The following SPDEF variants were observed in gnomAD, a reference collection of about 807,000 sequenced individuals.
SPDEF encodes SAM pointed domain-containing Ets transcription factor.
A neutral mutation model predicts 36.0 loss-of-function variants in SPDEF; 12 were observed. The observed-to-expected ratio is 0.33, with a 90% CI of 0.21 to 0.54. SPDEF has a LOEUF of 0.54. Among genes scored for constraint, SPDEF ranks in the 20% least tolerant of loss-of-function variants. SPDEF has a pLI of 0.93. For missense variants in SPDEF, 388 were observed against 456.9 expected (o/e 0.85, Z 1.37); for synonymous variants, 205 against 193.0 (o/e 1.06, Z -0.51).
At chr6:34,549,067 C>T (rs1193279062) in intron 1 of SPDEF, among the ~76,000 whole-genome samples, 1 of 152,238 alleles carries the variant, frequency 6.6e-6, no homozygotes, top group Non-Finnish European at 1.5e-5. Flanking sequence ...TGGCAGGACC[C>T]AGCGTTCCTG....
At position 34,552,547 on chromosome 6, in the gene SPDEF, C is replaced by CCA. The variant is rs1768084448; in HGVS notation, c.-30+3381_-30+3382insTG. Among the ~76,000 whole-genome samples the CCA allele has an allele frequency of 6.6e-6, 1 of 152,218 alleles. No individual in the cohort carries two copies. Among genetic ancestry groups the CCA allele is most frequent in the Non-Finnish European group, 1.5e-5 (1 of 68,044 alleles). On this transcript the variant is annotated intron_variant, in intron 1 of 5. Transcript: ENST00000374037. This position sits in a 1 kb window ranked among gnomAD's most constrained non-coding sequence, Gnocchi z 4.6. ...CTCCATCTGCCGTGTTTCTGCGGCC[C>CCA]CTCCAGACCCAGCACAGGCCAGGGA...
intron 1 of SPDEF, among the ~76,000 whole-genome samples, chr6:34,551,900 A>G (rs897299832): frequency 1.1e-4 from 16 of 152,114 alleles, no homozygotes; most frequent in African/African-American, 3.6e-4. Flanking sequence ...GACAGAACCC[A>G]GTTTCCCACC....
chr6:34,554,809 C>A (rs979232209), intron 1 of SPDEF, among the ~76,000 whole-genome samples: 1 of 152,186 alleles, frequency 6.6e-6, no homozygotes. Context: ...CCTGGGGCAG[C>A]CTGGACGCCT....
At chr6:34,546,163 C>T (rs1337486442) in intron 1 of SPDEF, among the ~76,000 whole-genome samples, 1 of 152,216 alleles carries the variant, frequency 6.6e-6, no homozygotes, top group Non-Finnish European at 1.5e-5. Flanking sequence ...TTGCTAGAAA[C>T]TTGAATTCTC....
rs749828771 is a variant in SPDEF at position 34,539,495 on chromosome 6, C to T, written c.682+20G>A. 6.6e-5 allele frequency: 105 copies of T among 1,579,904 alleles called. No individual in the cohort carries two copies. The highest frequency in any genetic ancestry group is 1.9e-5 in the Non-Finnish European group (22 of 1,164,358). On this transcript the variant is annotated intron_variant, in intron 4 of 5. Coordinates refer to ENST00000374037, the MANE Select transcript of SPDEF (RefSeq NM_012391.3). This position sits in a 1 kb window ranked among gnomAD's most constrained non-coding sequence, Gnocchi z 5.2. ...ACCCCACCCGAGCCCCCGCCTCCAC[C>T]CTGCCGCTGCCTGGCTCACCACAGT...
chr6:34,552,345 TGCTGCTC>T lies in SPDEF; in HGVS notation c.-30+3577_-30+3583del, dbSNP rs1466512120. On this transcript the variant is annotated intron_variant, in intron 1 of 5. Coordinates refer to ENST00000374037, the MANE Select transcript of SPDEF (RefSeq NM_012391.3). The surrounding 1 kb of genome is among the most constrained non-coding windows in gnomAD (Gnocchi z 4.6). ...GAACACACGGATGTCACCGGAGCTC[TGCTGCTC>T]CTGCCTGAGGCCCCTTGGCCGATCC... 2.0e-5 allele frequency among the ~76,000 whole-genome samples: 3 copies of T among 152,250 alleles called. No individual in the cohort carries two copies. The highest frequency in any genetic ancestry group is 4.4e-5 in the Non-Finnish European group (3 of 68,042).
chr6:34,542,626 T>C (rs1003385295), intron 2 of SPDEF, among the ~76,000 whole-genome samples: 32 of 152,220 alleles, frequency 2.1e-4, no homozygotes, highest in African/African-American at 7.5e-4. Flanking sequence ...AGGTAGCTCA[T>C]GCCTGTAATC....
chr6:34,545,936 A>G (rs572574490), intron 1 of SPDEF, among the ~76,000 whole-genome samples: 147 of 152,068 alleles, frequency 9.7e-4, no homozygotes, highest in African/African-American at 3.4e-3. Context: ...AAACACACGC[A>G]CACACACACA....
intron 1 of SPDEF, among the ~76,000 whole-genome samples, chr6:34,545,646 G>A (rs1276261007): frequency 6.6e-6 from 1 of 152,216 alleles, no homozygotes; most frequent in East Asian, 1.9e-4. Context: ...GCAGTAGCTC[G>A]TGACTGTAAT....
At position 34,544,306 on chromosome 6, in the gene SPDEF, C is replaced by A; in HGVS notation, c.150G>T (p.Thr50=). The A allele has an allele frequency of 6.2e-7, 1 of 1,610,978 alleles. No individual in the cohort carries two copies. The highest frequency in any genetic ancestry group is 8.5e-7 in the Non-Finnish European group (1 of 1,179,792). The change falls in exon 2 of 6, where the codon ACG becomes ACT. Residue 50 remains threonine, a synonymous_variant. Transcript: ENST00000374037. The surrounding 1 kb of genome is among the most constrained non-coding windows in gnomAD (Gnocchi z 4.4). The stretch of plus-strand genomic sequence containing the variant: ...AGAAGGCGGACAGGCCCTGCTCGGG[C>A]GTGGCGGGTGGACTGGGACTCCAGT... ...RRDWSPSPPA[T]PEQGLSAFYL... is the part of the protein sequence containing the mutation.
rs188927721 is a variant in SPDEF at position 34,555,089 on chromosome 6, G to A, written c.-30+840C>T. Among the ~76,000 whole-genome samples, 259 of 151,504 alleles carry A rather than the reference G, an allele frequency of 1.7e-3. 2 individuals carry two copies. The highest frequency in any genetic ancestry group is 5.8e-3 in the African/African-American group (239 of 41,294). On this transcript the variant is annotated intron_variant, in intron 1 of 5. Coordinates refer to ENST00000374037, the MANE Select transcript of SPDEF (RefSeq NM_012391.3). The surrounding 1 kb of genome is among the most constrained non-coding windows in gnomAD (Gnocchi z 5.2). ...ACACATGCACATGCAACACGCACGCGCACATGCACACACCACACACACACA... is the reference window on the plus strand; with the variant it reads ...ACACATGCACATGCAACACGCACGCACACATGCACACACCACACACACACA...
Position 34,539,585 on chromosome 6 carries a change from T to G in SPDEF, c.635-23A>C. 1 of 1,559,688 alleles carries G rather than the reference T, an allele frequency of 6.4e-7. No individual in the cohort carries two copies. Among genetic ancestry groups the G allele is most frequent in the Non-Finnish European group, 8.7e-7 (1 of 1,152,682 alleles). ...CCGCTGCAGGGCAAGGAGAGGGGGT[T>G]GGGGACCCAGGAGAGGCCCCGAGGG... On this transcript the variant is annotated intron_variant, in intron 3 of 5. Coordinates refer to ENST00000374037, the MANE Select transcript of SPDEF (RefSeq NM_012391.3). The surrounding 1 kb of genome is among the most constrained non-coding windows in gnomAD (Gnocchi z 5.2).
At chr6:34,551,443 T>TC (rs1768060882) in intron 1 of SPDEF, among the ~76,000 whole-genome samples, 1 of 152,112 alleles carries the variant, frequency 6.6e-6, no homozygotes, top group African/African-American at 2.4e-5. Flanking sequence ...CCTGGGTGAG[T>TC]CCCTGGTCCC....
chr6:34,543,837 G>A lies in SPDEF; in HGVS notation c.436+183C>T, dbSNP rs576774043. Among the ~76,000 whole-genome samples the A allele has an allele frequency of 3.2e-3, 483 of 152,310 alleles. 2 individuals carry two copies. Among genetic ancestry groups the A allele is most frequent in the African/African-American group, 0.011 (461 of 41,558 alleles). On this transcript the variant is annotated intron_variant, in intron 2 of 5. Transcript: ENST00000374037. Reference sequence around the variant, plus strand: ...TGGCATGGTTGGGACACTAGAGGTGGACAGAAACCTTCCTGGCCCAGGCTC... The same window carrying A: ...TGGCATGGTTGGGACACTAGAGGTGAACAGAAACCTTCCTGGCCCAGGCTC...
Position 34,539,365 on chromosome 6 carries a change from G to A in SPDEF, c.714C>T (p.Ser238=), listed in dbSNP as rs1016959337. 50 of 1,613,710 alleles carry A rather than the reference G, an allele frequency of 3.1e-5. No homozygotes were observed. The highest frequency in any genetic ancestry group is 3.6e-5 in the Non-Finnish European group (42 of 1,180,044). ...ASTSEESWTD[S]EVDSSCSGQP... ...GCCCGGAGCATGATGAGTCCACCTC[G>A]CTGTCGGTCCAGCTCTCCTCACTGG... The change falls in exon 5 of 6, where the codon AGC becomes AGT. Residue 238 remains serine (S), a synonymous_variant. Transcript: ENST00000374037. The surrounding 1 kb of genome is among the most constrained non-coding windows in gnomAD (Gnocchi z 5.2).
At position 34,541,864 on chromosome 6, in the gene SPDEF, C is replaced by A. The variant is rs555549388; in HGVS notation, c.437-683G>T. On this transcript the variant is annotated intron_variant, in intron 2 of 5. Coordinates refer to ENST00000374037, the MANE Select transcript of SPDEF (RefSeq NM_012391.3). ...CCCTGGGGTGCTGCTCTGGGGTGAG[C>A]CTCATAGGCCTATAGGTGGGGGATA... Among the ~76,000 whole-genome samples the A allele has an allele frequency of 5.3e-5, 8 of 150,900 alleles. No individual in the cohort carries two copies. In the South Asian group the frequency reaches 1.0e-3, roughly 20 times the overall value.
intron 1 of SPDEF, among the ~76,000 whole-genome samples, chr6:34,546,809 G>A (rs1025558798): frequency 9.2e-5 from 14 of 152,128 alleles, no homozygotes; most frequent in Non-Finnish European, 1.2e-4. Flanking sequence ...AGACCAAGGC[G>A]GGGCTGGGGA....
chr6:34,547,277 T>C (rs2127290498), intron 1 of SPDEF, among the ~76,000 whole-genome samples: 1 of 152,162 alleles, frequency 6.6e-6, no homozygotes, highest in South Asian at 2.1e-4. Flanking sequence ...GTGGCAGCTT[T>C]TGCCAGGAAG....
chr6:34,550,556 T>A (rs1399884272), intron 1 of SPDEF, among the ~76,000 whole-genome samples: 1 of 152,156 alleles, frequency 6.6e-6, no homozygotes, highest in Non-Finnish European at 1.5e-5. Flanking sequence ...TCAGCATGAG[T>A]AGACGAGGTG....
Sources: gnomAD v4.1 joint callset for allele counts (sites outside exome capture counted in the v4.1 genomes callset) on GRCh38, gnomAD v4.1.1 for gene constraint, Gnocchi (gnomAD v3.1) non-coding constraint, MANE v1.5 for transcripts, NCBI Gene and HGNC (gene_info 2026-07-23, HGNC 2026-07-21) for gene names.